UTP4: variants seen among roughly 807,000 people sequenced by gnomAD.
UTP4 encodes UTP4 small subunit processome component.
UTP4 carries 45 observed loss-of-function variants against 82.4 expected under a neutral mutation model. That is an observed-to-expected ratio of 0.55 (90% CI 0.43 to 0.70). The LOEUF (loss-of-function observed/expected upper bound fraction) is 0.70. Ranked by LOEUF, UTP4 falls within the 30% of genes least tolerant of loss-of-function variation. The pLI is 0.00. For missense variants in UTP4, 819 were observed against 858.3 expected (o/e 0.95, Z 0.57); for synonymous variants, 348 against 300.3 (o/e 1.16, Z -1.64).
Position 69,137,650 on chromosome 16 carries a change from TCA to T in UTP4, c.352-148_352-147del, listed in dbSNP as rs761472544. ...GTTTCTTGATAACTAGTACTTTCTC[TCA>T]CAAATGATTTTTCTTTTTCACGGCA... On this transcript the variant is annotated intron_variant, in intron 3 of 16. Coordinates refer to ENST00000314423, the MANE Select transcript of UTP4 (RefSeq NM_032830.3). 3.0e-5 allele frequency: 19 copies of T among 634,012 alleles called. No homozygotes were observed. The South Asian group carries it at 3.6e-4, about 12-fold the overall frequency. 39.3% of individuals were successfully genotyped at this position (634,012 alleles called of 1,614,324 possible).
Position 69,145,550 on chromosome 16 carries a change from G to GCTTTTT in UTP4, c.738+2180_738+2185dup, listed in dbSNP as rs577785687. On this transcript the variant is annotated intron_variant, in intron 6 of 16. Transcript: ENST00000314423. ...ATACAGGCATGAGCCACCGCCCCTG[G>GCTTTTT]CTTTTTCTTTTTCTTTTTCTTTTTT... Among the ~76,000 whole-genome samples the GCTTTTT allele has an allele frequency of 7.8e-4, 118 of 152,156 alleles. No homozygotes were observed. The East Asian group carries it at 0.011, about 15-fold the overall frequency.
At chr16:69,153,778 G>T in intron 9 of UTP4, 98 bp downstream of exon 9, 1 of 808,488 alleles carries the variant, frequency 1.2e-6, no homozygotes, top group South Asian at 1.4e-5. Context: ...AACTGAAGTA[G>T]ACTTTTGTGT....
At chr16:69,153,365 C>T (rs865811849) in intron 8 of UTP4, among the ~76,000 whole-genome samples, 2 of 151,752 alleles carry the variant, frequency 1.3e-5, no homozygotes, top group Non-Finnish European at 2.9e-5. Context: ...TCTGTGTCAC[C>T]CCTTTAGAAG....
At position 69,136,751 on chromosome 16, in the gene UTP4, A is replaced by G. The variant is rs1011769950; in HGVS notation, c.215A>G (p.Gln72Arg). Residue 72 changes from glutamine to arginine, a missense_variant, in exon 3 of 17, where the codon CAG (glutamine) becomes CGG (arginine). By Grantham distance (43) the Gln-to-Arg change is conservative. Transcript: ENST00000314423. ...ATEALCWAEGQRLFSAGLNGE... is the reference protein window; with the variant it reads ...ATEALCWAEGRRLFSAGLNGE... ...GAAGCTTTGTGCTGGGCAGAAGGAC[A>G]GCGACTCTTTAGTGCTGGGCTCAAT... The G allele has an allele frequency of 2.0e-5, 33 of 1,614,010 alleles. No homozygotes were observed. The highest frequency in any genetic ancestry group is 3.3e-5 in the Admixed American group (2 of 59,992).
chr16:69,148,165 G>T (rs1963168811), intron 6 of UTP4, among the ~76,000 whole-genome samples: 1 of 151,920 alleles, frequency 6.6e-6, no homozygotes, highest in Non-Finnish European at 1.5e-5. Context: ...TTTTCACCGT[G>T]TTAGCCAGGA....
In UTP4 at chr16:69,165,734, G is replaced by A. The variant is rs576417491; in HGVS notation, c.1833+208G>A. ...TCCCACAGTTCTTCGGGAGGCTCTC[G>A]GGGAAGGGGCTGGCCTTTGTATACT... On this transcript the variant is annotated intron_variant, in intron 15 of 16. Coordinates refer to ENST00000314423, the MANE Select transcript of UTP4 (RefSeq NM_032830.3). The A allele has an allele frequency of 1.3e-4, 82 of 645,932 alleles. 1 individual carries two copies. The South Asian group carries it at 1.3e-3, about 10-fold the overall frequency. 40.0% of individuals were successfully genotyped at this position (645,932 alleles called of 1,614,324 possible).
chr16:69,160,690 G>A (rs765770041), intron 13 of UTP4, among the ~76,000 whole-genome samples: 12 of 148,808 alleles, frequency 8.1e-5, no homozygotes, highest in South Asian at 2.1e-4. Flanking sequence ...TCAGCCTCCC[G>A]GGTTCAAATG....
At chr16:69,167,405 G>A (rs1963728256) in intron 16 of UTP4, 1 of 548,304 alleles carries the variant, frequency 1.8e-6, no homozygotes, top group Non-Finnish European at 3.3e-6. Context: ...TAACCAAAAT[G>A]AAATGCGTAA....
Position 69,143,193 on chromosome 16 carries a change from A to G in UTP4, c.542A>G (p.Lys181Arg). 1 of 1,614,228 alleles carries G rather than the reference A, an allele frequency of 6.2e-7. No homozygotes were observed. The highest frequency in any genetic ancestry group is 1.7e-5 in the Admixed American group (1 of 60,026). The change falls in exon 6 of 17, where the codon AAG becomes AGG. Residue 181 changes from lysine to arginine, a missense_variant. Transcript: ENST00000314423. Reference protein sequence around the residue: ...FDVKSGSAVHKMIVDRQYMGV... With the variant: ...FDVKSGSAVHRMIVDRQYMGV... ...GATTTTTCAGGCAGCGCTGTTCATAAGATGATTGTGGACAGGCAGTATATG... is the reference window on the plus strand; with the variant it reads ...GATTTTTCAGGCAGCGCTGTTCATAGGATGATTGTGGACAGGCAGTATATG...
chr16:69,155,942 G>GT lies in UTP4; in HGVS notation c.1242dup (p.Leu415SerfsTer7). 4 of 1,614,004 alleles carry GT rather than the reference G, an allele frequency of 2.5e-6. No individual in the cohort carries two copies. The highest frequency in any genetic ancestry group is 3.4e-6 in the Non-Finnish European group (4 of 1,179,956). The stretch of plus-strand genomic sequence containing the variant: ...GGATAGCCTATTCTACAGTTTCTCG[G>GT]TTTTTTCTCTATCGGCTGAATTATG... On this transcript the variant is annotated frameshift_variant, in exon 11 of 17. Transcript: ENST00000314423. LOFTEE classifies it high-confidence loss of function.
intron 6 of UTP4, among the ~76,000 whole-genome samples, chr16:69,147,001 C>CAAAAAAAAAAAAAAAAAAAAAAAAAAAA (rs71148965): frequency 3.5e-5 from 3 of 85,782 alleles, no homozygotes; most frequent in Non-Finnish European, 7.0e-5. Flanking sequence ...GACTCTGCCT[C>CAAAAAAAAAAAAAAAAAAAAAAAAAAAA]AAAAAAAAAA....
intron 5 of UTP4, 89 bp from the exon 6 acceptor site, chr16:69,143,089 C>T (rs1963007791): frequency 1.4e-6 from 2 of 1,380,046 alleles, no homozygotes; most frequent in Non-Finnish European, 2.1e-6. Context: ...AACTCCAGGG[C>T]TCAAGCAGTC....
chr16:69,142,201 T>A (rs180855533), intron 5 of UTP4: 1 of 152,374 alleles, frequency 6.6e-6, no homozygotes, highest in East Asian at 1.9e-4. Context: ...ATGATCTGGC[T>A]GGACTGCTTA....
At chr16:69,148,210 C>T (rs1003399876) in intron 6 of UTP4, among the ~76,000 whole-genome samples, 7 of 152,150 alleles carry the variant, frequency 4.6e-5, no homozygotes, top group African/African-American at 1.7e-4. Context: ...ATCTGCCCGC[C>T]TCGGCCTCCC....
intron 5 of UTP4, among the ~76,000 whole-genome samples, chr16:69,142,939 C>T (rs886099218): frequency 1.3e-5 from 2 of 152,170 alleles, no homozygotes; most frequent in Non-Finnish European, 1.5e-5. Context: ...TTTTGGAGTT[C>T]CGAGATCAGG....
intron 10 of UTP4, 42 bp downstream of exon 10, chr16:69,154,499 T>G (rs1294520887): frequency 7.3e-7 from 1 of 1,378,810 alleles, no homozygotes; most frequent in South Asian, 1.2e-5. Context: ...GAGCCTGAAT[T>G]CTAGGCTCAT....
At chr16:69,159,500 C>G (rs1419786324) in intron 12 of UTP4, among the ~76,000 whole-genome samples, 1 of 151,912 alleles carries the variant, frequency 6.6e-6, no homozygotes, top group Non-Finnish European at 1.5e-5. Context: ...CCATGCTGAC[C>G]AAAATGGTGA....
chr16:69,152,172 G>A (rs1381343341), intron 8 of UTP4, among the ~76,000 whole-genome samples: 3 of 151,904 alleles, frequency 2.0e-5, no homozygotes, highest in Non-Finnish European at 4.4e-5. Flanking sequence ...CATCATCCTA[G>A]TTTGGATCAG....
chr16:69,137,713 AGT>A (rs1191729343), intron 3 of UTP4, 86 bp from the exon 4 acceptor site: 3 of 775,248 alleles, frequency 3.9e-6, no homozygotes, highest in Non-Finnish European at 7.0e-6. Flanking sequence ...GAATAGAGAG[AGT>A]GTGTGTTGGG....
Sources: gnomAD v4.1 joint callset for allele counts (sites outside exome capture counted in the v4.1 genomes callset) on GRCh38, gnomAD v4.1.1 for gene constraint, MANE v1.5 for transcripts, NCBI Gene and HGNC (gene_info 2026-07-23, HGNC 2026-07-21) for gene names.